Variants in DGKI observed in about 807,000 individuals in gnomAD.
DGKI encodes the protein diacylglycerol kinase iota, also known as DAG kinase iota.
In DGKI, 55 loss-of-function variants were observed where a neutral mutation model predicts 147.5. The ratio of observed to expected loss-of-function variants is 0.37; its 90% CI spans 0.30 to 0.47. The LOEUF (loss-of-function observed/expected upper bound fraction) is 0.47. DGKI is among the 20% of genes least tolerant of loss of function. The pLI, the probability that DGKI is intolerant of heterozygous loss-of-function variation, is 1.00. For missense variants in DGKI, 1,007 were observed against 1,323.8 expected, an observed-to-expected ratio of 0.76 and a Z score of 3.71; for synonymous variants, 469 against 477.1, an observed-to-expected ratio of 0.98 and a Z score of 0.22.
chr7:137,498,414 A>T (rs1256108361), intron 21 of DGKI, among the ~76,000 whole-genome samples: 1 of 152,122 alleles, frequency 6.6e-6, no homozygotes, highest in East Asian at 1.9e-4. Context: ...TTCCTAAAAC[A>T]TTAGTTTCCA....
chr7:137,799,096 A>C (rs1256014352), intron 1 of DGKI, among the ~76,000 whole-genome samples: 1 of 152,194 alleles, frequency 6.6e-6, no homozygotes, highest in Non-Finnish European at 1.5e-5. Context: ...CTCTTAGATA[A>C]GGCAAAAAAG....
intron 6 of DGKI, among the ~76,000 whole-genome samples, chr7:137,627,121 C>G (rs1820968827): frequency 1.3e-5 from 2 of 152,088 alleles, no homozygotes. Context: ...TTCTTCACTC[C>G]CAACATACCA....
At chr7:137,498,535 T>C (rs1197291224) in intron 21 of DGKI, among the ~76,000 whole-genome samples, 2 of 152,098 alleles carry the variant, frequency 1.3e-5, no homozygotes, top group Admixed American at 6.6e-5. Context: ...TACAAGCTTA[T>C]AGAAAGGAAA....
At chr7:137,549,467 A>G (rs1373673576) in intron 20 of DGKI, among the ~76,000 whole-genome samples, 1 of 152,138 alleles carries the variant, frequency 6.6e-6, no homozygotes, top group Non-Finnish European at 1.5e-5. Context: ...GAATTAAACA[A>G]CCACCTTCTT....
intron 4 of DGKI, among the ~76,000 whole-genome samples, chr7:137,655,372 G>A (rs971825905): frequency 2.0e-5 from 3 of 151,966 alleles, no homozygotes; most frequent in Non-Finnish European, 2.9e-5. Flanking sequence ...CTAATTTTTT[G>A]TATTTTTAGT....
chr7:137,839,489 T>A (rs1424175616), intron 1 of DGKI, among the ~76,000 whole-genome samples: 1 of 152,216 alleles, frequency 6.6e-6, no homozygotes, highest in Non-Finnish European at 1.5e-5. Flanking sequence ...ACATATAGCA[T>A]GTACTTTGTG....
intron 6 of DGKI, among the ~76,000 whole-genome samples, chr7:137,638,213 T>C (rs1431783160): frequency 1.3e-5 from 2 of 151,934 alleles, no homozygotes; most frequent in Non-Finnish European, 2.9e-5. Context: ...CCAGATACTC[T>C]TACTCATTTG....
intron 1 of DGKI, among the ~76,000 whole-genome samples, chr7:137,811,673 A>G (rs1011136341): frequency 1.3e-5 from 2 of 152,222 alleles, no homozygotes; most frequent in African/African-American, 4.8e-5. Context: ...CCCAATTAGG[A>G]CCAAAACTAT....
intron 15 of DGKI, among the ~76,000 whole-genome samples, chr7:137,579,726 T>G (rs1433890680): frequency 6.6e-6 from 1 of 152,152 alleles, no homozygotes; most frequent in Non-Finnish European, 1.5e-5. Flanking sequence ...CTGATTTACA[T>G]GCAGGGGAAA....
At chr7:137,722,494 A>T in intron 1 of DGKI, 1 of 1,610,774 alleles carries the variant, frequency 6.2e-7, no homozygotes, top group East Asian at 2.2e-5. Flanking sequence ...GCAGCTGGCT[A>T]GTGGCTTGTT....
intron 3 of DGKI, among the ~76,000 whole-genome samples, chr7:137,661,436 A>G (rs905780836): frequency 2.0e-5 from 3 of 152,088 alleles, no homozygotes; most frequent in East Asian, 3.9e-4. Flanking sequence ...GCAGAAACCA[A>G]CAATACTGTG....
chr7:137,383,057 A>ACC lies in DGKI; in HGVS notation c.*8161_*8162dup, dbSNP rs908634426. 6.6e-6 allele frequency: 1 copy of ACC among 151,872 alleles called. No individual in the cohort carries two copies. Among genetic ancestry groups the ACC allele is most frequent in the Non-Finnish European group, 1.5e-5 (1 of 67,910 alleles). The allele number at this position is 151,872 out of a possible 1,614,324, so 9.4% of individuals were successfully genotyped here. A position where few individuals can be genotyped will look rare whatever the true frequency, so the allele number is the denominator to read the frequency against. ...ATTGGCAGAGGATATAGAATTTCCC[A>ACC]CCCTCTTCTCCAGTCCTGACTCTAC... On this transcript the variant is annotated 3_prime_UTR_variant, in exon 33 of 33. Coordinates refer to ENST00000614521, the MANE Select transcript of DGKI (RefSeq NM_001321708.2).
At chr7:137,579,080 G>A (rs562583876) in intron 15 of DGKI, among the ~76,000 whole-genome samples, 7 of 151,980 alleles carry the variant, frequency 4.6e-5, no homozygotes, top group South Asian at 4.2e-4. Context: ...AGATGTATTG[G>A]CATAATTCTC....
rs992638826 is a variant in DGKI, at chr7:137,424,460, C to T, written c.2762-12253G>A. ...GGTCTACAGCTCCCAGCGTGAGTGA[C>T]GCAGAAGACGGGTGATTTCTGCATT... On this transcript the variant is annotated intron_variant, in intron 28 of 32. Transcript: ENST00000614521. Among the ~76,000 whole-genome samples, 6 of 152,102 alleles carry T rather than the reference C, an allele frequency of 3.9e-5. No homozygotes were observed. In the South Asian group the frequency reaches 6.2e-4, roughly 16 times the overall value.
intron 1 of DGKI, among the ~76,000 whole-genome samples, chr7:137,695,524 C>A (rs1214403717): frequency 6.6e-6 from 1 of 152,104 alleles, no homozygotes; most frequent in African/African-American, 2.4e-5. Flanking sequence ...ATAAATTTCC[C>A]ATTTTTTTAT....
At chr7:137,790,583 G>A (rs1420867289) in intron 1 of DGKI, among the ~76,000 whole-genome samples, 1 of 152,174 alleles carries the variant, frequency 6.6e-6, no homozygotes, top group Non-Finnish European at 1.5e-5. Context: ...CTGAGGCGTG[G>A]AGCAATTTCT....
chr7:137,621,696 C>T (rs552018430), intron 7 of DGKI, among the ~76,000 whole-genome samples: 1 of 152,206 alleles, frequency 6.6e-6, no homozygotes, highest in Non-Finnish European at 1.5e-5. Flanking sequence ...CCACAATGGT[C>T]AGGTGAAAGT....
chr7:137,472,402 TATATGTATATATACATATAC>T (rs1563040520), intron 23 of DGKI, among the ~76,000 whole-genome samples: 2 of 134,244 alleles, frequency 1.5e-5, no homozygotes, highest in Non-Finnish European at 3.1e-5. Flanking sequence ...TTATAATTAT[TATATGTATATATACATATAC>T]ATATTATATG....
chr7:137,777,303 A>C (rs1299701281), intron 1 of DGKI, among the ~76,000 whole-genome samples: 1 of 152,230 alleles, frequency 6.6e-6, no homozygotes, highest in Admixed American at 6.5e-5. Flanking sequence ...CTGCTCACCA[A>C]CAATAACTTA....
Sources: allele counts gnomAD v4.1 joint callset (sites outside exome capture counted in the v4.1 genomes callset), GRCh38; gene constraint gnomAD v4.1.1; transcripts MANE v1.5; gene names NCBI Gene and HGNC (gene_info 2026-07-23, HGNC 2026-07-21).